The following SLC35D4 variants were observed in gnomAD, a reference collection of about 807,000 sequenced individuals.
SLC35D4 encodes the protein solute carrier family 35 member D4, also known as UDP-N-acetylglucosamine transporter SLC35D4.
the SLC35D4 span, among the ~76,000 whole-genome samples, chr18:23,290,665 C>T: frequency 3.3e-4 from 49 of 150,082 alleles, no homozygotes; most frequent in Non-Finnish European, 3.8e-4. Flanking sequence ...CTCACTGTGT[C>T]GCCCACGCTG....
At chr18:23,240,760 G>A in the SLC35D4 span, among the ~76,000 whole-genome samples, 1 of 152,202 alleles carries the variant, frequency 6.6e-6, no homozygotes, top group Non-Finnish European at 1.5e-5. Context: ...CAGCAGAGGC[G>A]CCCACCTGAA....
chr18:23,275,684 A>G, the SLC35D4 span, among the ~76,000 whole-genome samples: 1 of 150,832 alleles, frequency 6.6e-6, no homozygotes, highest in African/African-American at 2.5e-5. Context: ...ACGTGGAAGG[A>G]CACCTGTACC....
chr18:23,317,807 T>C, the SLC35D4 span, among the ~76,000 whole-genome samples: 7 of 152,076 alleles, frequency 4.6e-5, no homozygotes, highest in Non-Finnish European at 8.8e-5. Context: ...GTGGCCAATG[T>C]CTGCTCACTG....
At chr18:23,253,930 A>C in the SLC35D4 span, 2 of 1,613,910 alleles carry the variant, frequency 1.2e-6, no homozygotes, top group African/African-American at 2.7e-5. Context: ...TCAAGCATTT[A>C]ATTGACGTAA....
chr18:23,251,525 G>A, the SLC35D4 span, among the ~76,000 whole-genome samples: 15 of 152,120 alleles, frequency 9.9e-5, no homozygotes, highest in African/African-American at 3.6e-4. Context: ...CTCTCGAGGA[G>A]GGATGAGATG....
chr18:23,412,760 T>C, the SLC35D4 span, among the ~76,000 whole-genome samples: 1 of 152,248 alleles, frequency 6.6e-6, no homozygotes, highest in Admixed American at 6.5e-5. Context: ...AAATAGCATT[T>C]TATCGGCACA....
the SLC35D4 span, chr18:23,370,169 A>G: frequency 6.5e-7 from 1 of 1,541,008 alleles, no homozygotes; most frequent in Non-Finnish European, 8.8e-7. Context: ...ATTGCACTCC[A>G]ACAAGAGCTA....
chr18:23,330,384 CT>C, the SLC35D4 span, among the ~76,000 whole-genome samples: 1 of 151,784 alleles, frequency 6.6e-6, no homozygotes, highest in African/African-American at 2.4e-5. Context: ...GCCTTTTGAA[CT>C]TTTTAAATGA....
the SLC35D4 span, chr18:23,437,784 G>A: frequency 3.1e-6 from 5 of 1,611,224 alleles, no homozygotes; most frequent in South Asian, 5.5e-5. Context: ...CCCTCACCTT[G>A]TTCGTGAGGT....
chr18:23,425,266 A>G, the SLC35D4 span, among the ~76,000 whole-genome samples: 2 of 152,034 alleles, frequency 1.3e-5, no homozygotes, highest in East Asian at 1.9e-4. Flanking sequence ...ACACCTGGCT[A>G]ATTTTTGTAT....
the SLC35D4 span, among the ~76,000 whole-genome samples, chr18:23,426,974 A>G: frequency 1.3e-5 from 2 of 152,158 alleles, no homozygotes; most frequent in African/African-American, 2.4e-5. Flanking sequence ...TATGTAGAAA[A>G]CTGAAACTGG....
At chr18:23,349,974 A>G in the SLC35D4 span, among the ~76,000 whole-genome samples, 1 of 152,222 alleles carries the variant, frequency 6.6e-6, no homozygotes, top group African/African-American at 2.4e-5. Context: ...CTTTAGGCTA[A>G]ATCCTACTTC....
chr18:23,279,085 A>C, the SLC35D4 span, among the ~76,000 whole-genome samples: 1 of 152,126 alleles, frequency 6.6e-6, no homozygotes, highest in Non-Finnish European at 1.5e-5. Context: ...CTGATCTGGC[A>C]GTGCCTTTGT....
the SLC35D4 span, among the ~76,000 whole-genome samples, chr18:23,382,253 A>G: frequency 6.6e-6 from 1 of 151,546 alleles, no homozygotes; most frequent in African/African-American, 2.4e-5. Flanking sequence ...AAAAAAAAAA[A>G]AAAAAGAAAG....
the SLC35D4 span, chr18:23,253,882 A>G: frequency 6.2e-7 from 1 of 1,614,136 alleles, no homozygotes; most frequent in African/African-American, 1.3e-5. Context: ...GTGTGCTGTT[A>G]GCAGCCAAAA....
the SLC35D4 span, among the ~76,000 whole-genome samples, chr18:23,286,745 G>A: frequency 2.0e-5 from 3 of 151,876 alleles, no homozygotes; most frequent in East Asian, 1.9e-4. Context: ...CCCCAACTCT[G>A]GTGCCAACTT....
the SLC35D4 span, chr18:23,298,185 A>G: frequency 8.8e-7 from 1 of 1,140,492 alleles, no homozygotes; most frequent in African/African-American, 1.5e-5. Context: ...ACTCATCACC[A>G]GCCCGAACTG....
chr18:23,246,810 A>AGCCT, the SLC35D4 span, among the ~76,000 whole-genome samples: 5 of 151,678 alleles, frequency 3.3e-5, no homozygotes, highest in Non-Finnish European at 7.3e-5. Flanking sequence ...TTCCTGCCTT[A>AGCCT]GCCTCCCAAG....
At chr18:23,263,288 T>A in the SLC35D4 span, among the ~76,000 whole-genome samples, 1 of 151,898 alleles carries the variant, frequency 6.6e-6, no homozygotes, top group Non-Finnish European at 1.5e-5. Flanking sequence ...TTAGAGGAGG[T>A]CTTCTGATGC....
Sources: allele counts gnomAD v4.1 joint callset (sites outside exome capture counted in the v4.1 genomes callset), GRCh38; gene constraint gnomAD v4.1.1; transcripts MANE v1.5; gene names NCBI Gene and HGNC (gene_info 2026-07-23, HGNC 2026-07-21).